The following CDH18 variants were observed in gnomAD, a reference collection of about 807,000 sequenced individuals.
CDH18 encodes the protein cadherin 18.
In CDH18, 31 loss-of-function variants were observed where a neutral mutation model predicts 67.9. The observed-to-expected ratio is 0.46, with a 90% CI of 0.34 to 0.62. The LOEUF (loss-of-function observed/expected upper bound fraction) is 0.62. Among genes scored for constraint, CDH18 ranks in the 20% least tolerant of loss-of-function variants. The pLI is 0.01. For synonymous variants in CDH18, 362 were observed against 347.2 expected (o/e 1.04, Z -0.48); for missense variants, 890 against 975.5 (o/e 0.91, Z 1.17).
chr5:20,011,552 T>A (rs1580024595), intron 2 of CDH18, among the ~76,000 whole-genome samples: 1 of 152,184 alleles, frequency 6.6e-6, no homozygotes, highest in Non-Finnish European at 1.5e-5. Flanking sequence ...GGTGAATGCA[T>A]CCAGCTTTTG....
chr5:19,840,107 T>TAA lies in CDH18; in HGVS notation c.-256-867_-256-866dup, dbSNP rs72220439. ...CCCGTCTCTAGTAAAAATAAAAAAA[T>TAA]AAAAAAAAAAATGAGCCGGGCTTGG... On this transcript the variant is annotated intron_variant, in intron 2 of 12. Coordinates refer to ENST00000382275, the MANE Select transcript of CDH18 (RefSeq NM_004934.5). 1.7e-3 allele frequency among the ~76,000 whole-genome samples: 243 copies of TAA among 141,974 alleles called. 1 individual carries two copies. Among genetic ancestry groups the TAA allele is most frequent in the African/African-American group, 4.6e-3 (176 of 38,132 alleles). 93.1% of individuals were successfully genotyped at this position (141,974 alleles called of 152,430 possible). A position where few individuals can be genotyped will look rare whatever the true frequency, so the allele number is the denominator to read the frequency against.
rs992000696 is a variant in CDH18, at chr5:19,483,281, T to C, written c.1882+20A>G. Reference sequence around the variant, plus strand: ...ATTCAGAATTGCCATCATGCAAACTTAGGGTTTAGAATGACTTACCCAGGA... The same window carrying C: ...ATTCAGAATTGCCATCATGCAAACTCAGGGTTTAGAATGACTTACCCAGGA... On this transcript the variant is annotated intron_variant, in intron 12 of 12. Coordinates refer to ENST00000382275, the MANE Select transcript of CDH18 (RefSeq NM_004934.5). The C allele has an allele frequency of 1.1e-5, 18 of 1,596,604 alleles. No homozygotes were observed. The highest frequency in any genetic ancestry group is 1.7e-5 in the Admixed American group (1 of 57,866).
chr5:20,025,380 C>A (rs1738804949), intron 2 of CDH18, among the ~76,000 whole-genome samples: 1 of 152,068 alleles, frequency 6.6e-6, no homozygotes, highest in Non-Finnish European at 1.5e-5. Flanking sequence ...ACAACTTTTT[C>A]TAGGACATAT....
At chr5:20,445,746 A>G (rs1749949360) in intron 1 of CDH18, among the ~76,000 whole-genome samples, 1 of 152,164 alleles carries the variant, frequency 6.6e-6, no homozygotes, top group South Asian at 2.1e-4. Flanking sequence ...ATTGGAATGG[A>G]TTATTTAATG....
chr5:19,656,316 C>T (rs1230773804), intron 5 of CDH18, among the ~76,000 whole-genome samples: 2 of 151,950 alleles, frequency 1.3e-5, no homozygotes, highest in African/African-American at 4.8e-5. Context: ...AAATTTAAAA[C>T]ATTCAGAATC....
intron 2 of CDH18, among the ~76,000 whole-genome samples, chr5:20,008,461 CA>C (rs985881615): frequency 6.6e-6 from 1 of 152,136 alleles, no homozygotes; most frequent in African/African-American, 2.4e-5. Context: ...TCATCACAAA[CA>C]GAGCATGTTA....
chr5:20,119,924 A>G (rs1256940488), intron 2 of CDH18, among the ~76,000 whole-genome samples: 1 of 151,958 alleles, frequency 6.6e-6, no homozygotes, highest in Non-Finnish European at 1.5e-5. Flanking sequence ...AGTACTTAAA[A>G]TATAAATATA....
chr5:20,468,549 T>C (rs1306083390), intron 1 of CDH18, among the ~76,000 whole-genome samples: 3 of 152,212 alleles, frequency 2.0e-5, no homozygotes, highest in Non-Finnish European at 2.9e-5. Flanking sequence ...ATTTTCAAGA[T>C]CACTCTAAAG....
chr5:20,075,196 G>T (rs1262451722), intron 2 of CDH18, among the ~76,000 whole-genome samples: 1 of 152,044 alleles, frequency 6.6e-6, no homozygotes, highest in African/African-American at 2.4e-5. Flanking sequence ...ATCACTGAAT[G>T]GAAGTAATCT....
chr5:20,394,985 GC>G (rs1745167689), intron 1 of CDH18, among the ~76,000 whole-genome samples: 2 of 152,092 alleles, frequency 1.3e-5, no homozygotes, highest in South Asian at 4.1e-4. Flanking sequence ...CTTATACATG[GC>G]TGTTAGGAAT....
intron 3 of CDH18, among the ~76,000 whole-genome samples, chr5:19,817,495 G>T (rs1459470055): frequency 2.6e-5 from 4 of 152,028 alleles, no homozygotes; most frequent in Non-Finnish European, 4.4e-5. Context: ...AATAATGGGA[G>T]AGGGGTGAGT....
intron 1 of CDH18, among the ~76,000 whole-genome samples, chr5:20,566,484 C>T (rs1758515219): frequency 6.7e-6 from 1 of 149,996 alleles, no homozygotes; most frequent in Non-Finnish European, 1.5e-5. Flanking sequence ...CTCAGCCTCC[C>T]AAGTAGCTGG....
At chr5:19,790,179 C>T (rs1447315777) in intron 3 of CDH18, among the ~76,000 whole-genome samples, 3 of 152,048 alleles carry the variant, frequency 2.0e-5, no homozygotes, top group Non-Finnish European at 2.9e-5. Context: ...CTTTTTTATG[C>T]TTCTCTCTAA....
intron 1 of CDH18, among the ~76,000 whole-genome samples, chr5:20,407,289 C>T (rs1746351364): frequency 6.6e-6 from 1 of 152,084 alleles, no homozygotes; most frequent in Non-Finnish European, 1.5e-5. Context: ...TCTGCCTCAT[C>T]TATCACAGAG....
At chr5:20,019,051 C>T (rs1199780188) in intron 2 of CDH18, among the ~76,000 whole-genome samples, 2 of 142,332 alleles carry the variant, frequency 1.4e-5, no homozygotes, top group Non-Finnish European at 3.0e-5. Flanking sequence ...CCCATCTCGG[C>T]CTCCCAAAGT....
intron 6 of CDH18, among the ~76,000 whole-genome samples, chr5:19,602,480 A>C (rs1207517797): frequency 1.3e-5 from 2 of 149,800 alleles, no homozygotes; most frequent in Non-Finnish European, 3.0e-5. Flanking sequence ...CACACACACA[A>C]TCCAATCTTT....
chr5:20,073,743 C>A (rs952540614), intron 2 of CDH18, among the ~76,000 whole-genome samples: 1 of 151,288 alleles, frequency 6.6e-6, no homozygotes, highest in Admixed American at 6.6e-5. Flanking sequence ...TGAAGGGCAA[C>A]AAGGAAAATA....
intron 2 of CDH18, among the ~76,000 whole-genome samples, chr5:20,237,151 T>C (rs1377350627): frequency 6.6e-6 from 1 of 151,782 alleles, no homozygotes; most frequent in African/African-American, 2.4e-5. Context: ...TCTCAAGAAA[T>C]TAGAAATAGA....
intron 1 of CDH18, among the ~76,000 whole-genome samples, chr5:20,544,505 A>G (rs1031746408): frequency 3.3e-5 from 5 of 152,176 alleles, no homozygotes; most frequent in Admixed American, 2.6e-4. Flanking sequence ...CTGGAGAGGC[A>G]TCAGGAAACT....
Sources: allele counts gnomAD v4.1 joint callset (sites outside exome capture counted in the v4.1 genomes callset), GRCh38; gene constraint gnomAD v4.1.1; transcripts MANE v1.5; gene names NCBI Gene and HGNC (gene_info 2026-07-23, HGNC 2026-07-21).